The following AFF2 variants were observed in gnomAD, a reference collection of about 807,000 sequenced individuals.
AFF2 encodes the protein ALF transcription elongation factor 2.
In AFF2, 14 loss-of-function variants were observed where a neutral mutation model predicts 76.9. That is an observed-to-expected ratio of 0.18 (90% CI 0.12 to 0.28). The LOEUF is 0.28. Ranked by LOEUF, AFF2 falls within the 10% of genes least tolerant of loss-of-function variation. The probability of loss-of-function intolerance (pLI) is 1.00; values close to 1 mark genes in which losing one functional copy is unlikely to be tolerated. For missense variants in AFF2, 868 were observed against 1,001.1 expected (o/e 0.87, Z 1.79); for synonymous variants, 398 against 366.7 (o/e 1.09, Z -0.98).
At chrX:148,934,981 G>A (rs2071756103) in intron 9 of AFF2, among the ~76,000 whole-genome samples, 1 of 111,340 alleles carries the variant, frequency 9.0e-6, no homozygotes, top group Non-Finnish European at 1.9e-5. Flanking sequence ...ATACATATAT[G>A]GATGGGTGAT....
intron 3 of AFF2, among the ~76,000 whole-genome samples, chrX:148,799,063 A>C (rs2070023422): frequency 8.9e-6 from 1 of 111,933 alleles, no homozygotes; most frequent in Non-Finnish European, 1.9e-5. Flanking sequence ...GGGAAGTTTA[A>C]GAAACAAACT....
At chrX:148,862,102 G>A (rs1031665619) in intron 7 of AFF2, among the ~76,000 whole-genome samples, 19 of 111,148 alleles carry the variant, frequency 1.7e-4, no homozygotes, top group African/African-American at 6.2e-4. Flanking sequence ...ACATTCTTGG[G>A]AGATAATTTG....
At chrX:148,978,839 G>A (rs1246890907) in intron 18 of AFF2, among the ~76,000 whole-genome samples, 1 of 111,908 alleles carries the variant, frequency 8.9e-6, no homozygotes, top group Non-Finnish European at 1.9e-5. Context: ...AGAAGTCACT[G>A]TGGCCACCCT....
At chrX:148,612,634 G>A (rs1184821713) in intron 1 of AFF2, among the ~76,000 whole-genome samples, 3 of 112,099 alleles carry the variant, frequency 2.7e-5, no homozygotes, top group African/African-American at 6.5e-5. Context: ...AGACCTGGTT[G>A]GTAAGCTGGT....
intron 8 of AFF2, among the ~76,000 whole-genome samples, chrX:148,890,380 C>A (rs782595378): frequency 8.9e-6 from 1 of 111,961 alleles, no homozygotes; most frequent in Admixed American, 9.4e-5. Context: ...TAAGAAAATG[C>A]CTTGAACTAC....
At chrX:148,623,056 G>A (rs1249277056) in intron 1 of AFF2, among the ~76,000 whole-genome samples, 1 of 111,452 alleles carries the variant, frequency 9.0e-6, no homozygotes, top group African/African-American at 3.3e-5. Context: ...AGTAGGAATT[G>A]CCCAGAGATT....
chrX:148,956,656 T>A (rs782585354), intron 11 of AFF2, 43 bp downstream of exon 11: 1 of 1,126,326 alleles, frequency 8.9e-7, no homozygotes, highest in African/African-American at 1.8e-5. Flanking sequence ...GTGAGCAGTG[T>A]CTGTTTGTTG....
At chrX:148,844,569 A>G (rs1557274575) in intron 7 of AFF2, among the ~76,000 whole-genome samples, 3 of 111,891 alleles carry the variant, frequency 2.7e-5, no homozygotes, top group Non-Finnish European at 5.6e-5. Flanking sequence ...TTTTTGTGTA[A>G]TAGGCACATA....
rs782329642 is a variant in AFF2, at chrX:148,642,159, C to T, written c.48-9840C>T. On this transcript the variant is annotated intron_variant, in intron 1 of 20. Transcript: ENST00000370460. ...TGCTGCCCTACTTTCATACTCAGGC[C>T]GGGGCTCTGCAGGAGTGCATGGTAG... 1.3e-4 allele frequency among the ~76,000 whole-genome samples: 15 copies of T among 111,752 alleles called. No homozygotes were observed. In the East Asian group the frequency reaches 2.0e-3, roughly 15 times the overall value.
intron 1 of AFF2, among the ~76,000 whole-genome samples, chrX:148,647,461 G>A (rs1324110332): frequency 9.0e-6 from 1 of 111,244 alleles, no homozygotes; most frequent in Non-Finnish European, 1.9e-5. Flanking sequence ...ACTCTCCCTC[G>A]CCCAGCCTCT....
chrX:148,826,182 G>A (rs782794374), intron 4 of AFF2, among the ~76,000 whole-genome samples: 4 of 93,092 alleles, frequency 4.3e-5, no homozygotes, highest in Non-Finnish European at 6.2e-5. Flanking sequence ...AGGATTTAGA[G>A]ACATCCACTG....
intron 4 of AFF2, among the ~76,000 whole-genome samples, chrX:148,835,779 C>T (rs2070517009): frequency 9.0e-6 from 1 of 110,936 alleles, no homozygotes; most frequent in African/African-American, 3.3e-5. Flanking sequence ...ACCCAGTCCA[C>T]CTCACATACT....
intron 3 of AFF2, among the ~76,000 whole-genome samples, chrX:148,804,584 C>A (rs1459955575): frequency 8.9e-6 from 1 of 112,151 alleles, no homozygotes; most frequent in Non-Finnish European, 1.9e-5. Context: ...AGTATTTTGA[C>A]CAGGAGACTT....
intron 4 of AFF2, among the ~76,000 whole-genome samples, chrX:148,816,034 G>A (rs1557272136): frequency 8.9e-6 from 1 of 111,906 alleles, no homozygotes; most frequent in Non-Finnish European, 1.9e-5. Context: ...TGGGTGTAAG[G>A]AGAGAGTAAT....
intron 9 of AFF2, among the ~76,000 whole-genome samples, chrX:148,943,854 C>T (rs1014996048): frequency 8.9e-6 from 1 of 111,804 alleles, no homozygotes; most frequent in African/African-American, 3.3e-5. Context: ...AGCCTCTGGT[C>T]TTAGAAGCTT....
chrX:148,774,073 T>A (rs1445014902), intron 3 of AFF2, among the ~76,000 whole-genome samples: 1 of 111,623 alleles, frequency 9.0e-6, no homozygotes, highest in Non-Finnish European at 1.9e-5. Flanking sequence ...CACATACTCA[T>A]CAGAAATGCC....
intron 3 of AFF2, among the ~76,000 whole-genome samples, chrX:148,761,655 G>A (rs928162167): frequency 1.8e-5 from 2 of 110,332 alleles, no homozygotes; most frequent in African/African-American, 6.6e-5. Context: ...ATGATATCAG[G>A]TGCTGGTACT....
rs782693767 is a variant in AFF2 at position 148,809,968 on chromosome X, A to G, written c.1086+48A>G. The G allele has an allele frequency of 2.6e-5, 29 of 1,115,379 alleles. No individual in the cohort carries two copies. In the East Asian group the frequency reaches 8.1e-4, roughly 31 times the overall value. 91.9% of individuals were successfully genotyped at this position (1,115,379 alleles called of 1,213,427 possible). On this transcript the variant is annotated intron_variant, in intron 4 of 20. Coordinates refer to ENST00000370460, the MANE Select transcript of AFF2 (RefSeq NM_002025.4). ...GTGCCTTTTAATAATGAAGCAATCT[A>G]TCTGCTTAAGCTGTTTAAAGTAATT...
intron 7 of AFF2, among the ~76,000 whole-genome samples, chrX:148,871,355 C>T (rs1378382419): frequency 4.5e-5 from 5 of 111,069 alleles, no homozygotes; most frequent in South Asian, 3.9e-4. Flanking sequence ...GTGAAGGACC[C>T]GGCCTTGCGT....
Sources: gnomAD v4.1 joint callset for allele counts (sites outside exome capture counted in the v4.1 genomes callset) on GRCh38, gnomAD v4.1.1 for gene constraint, MANE v1.5 for transcripts, NCBI Gene and HGNC (gene_info 2026-07-23, HGNC 2026-07-21) for gene names.